Variants in PTPN3 observed in about 807,000 individuals in gnomAD.
PTPN3 encodes protein tyrosine phosphatase non-receptor type 3.
A neutral mutation model predicts 132.7 loss-of-function variants in PTPN3; 96 were observed. The observed-to-expected ratio is 0.72, with a 90% CI of 0.61 to 0.86. The LOEUF is 0.86. Among genes scored for constraint, PTPN3 ranks in the 40% least tolerant of loss-of-function variants. The pLI, the probability that PTPN3 is intolerant of heterozygous loss-of-function variation, is 0.00. For missense variants in PTPN3, 1,125 were observed against 1,159.6 expected (o/e 0.97, Z 0.43); for synonymous variants, 398 against 429.0 (o/e 0.93, Z 0.89).
chr9:109,509,798 TG>T, the PTPN3 span, among the ~76,000 whole-genome samples: 3 of 152,148 alleles, frequency 2.0e-5, no homozygotes, highest in East Asian at 5.8e-4. Context: ...GGTCAGTCTT[TG>T]TAGTTGATGT....
At chr9:109,422,912 G>A in intron 12 of PTPN3, 60 bp from the exon 13 acceptor site, 1 of 1,566,976 alleles carries the variant, frequency 6.4e-7, no homozygotes, top group Non-Finnish European at 8.8e-7. Context: ...AGAAATTACT[G>A]CATGTGTGAA....
chr9:109,496,502 A>T (rs1847674988), intron 1 of PTPN3, among the ~76,000 whole-genome samples: 1 of 152,260 alleles, frequency 6.6e-6, no homozygotes, highest in African/African-American at 2.4e-5. Context: ...TTGGCTGCTC[A>T]GAGCCTCCAT....
chr9:109,519,836 C>A, the PTPN3 span, among the ~76,000 whole-genome samples: 12 of 152,208 alleles, frequency 7.9e-5, no homozygotes, highest in African/African-American at 2.9e-4. Context: ...CCCAGTTTGA[C>A]AGATTAAGAT....
In PTPN3 at chr9:109,408,365, G is replaced by A; in HGVS notation, c.1591C>T (p.Gln531Ter). The change falls in exon 17 of 26, where the codon CAA becomes TAA. Residue 531 changes from glutamine to a stop codon, truncating the protein, a stop_gained. Coordinates refer to ENST00000374541, the MANE Select transcript of PTPN3 (RefSeq NM_002829.4). LOFTEE classifies it high-confidence loss of function. ...CTTGATACCACAAGAGGCATCTTTT[G>A]ATCCACTCCTCCCTGTAAACATTTT... ...FGFNLKGGVD[Q>*]KMPLVVSRIN... The A allele has an allele frequency of 6.3e-7, 1 of 1,588,502 alleles. No homozygotes were observed. The highest frequency in any genetic ancestry group is 8.6e-7 in the Non-Finnish European group (1 of 1,164,008).
At chr9:109,451,757 C>T (rs1845260122) in intron 5 of PTPN3, among the ~76,000 whole-genome samples, 1 of 152,218 alleles carries the variant, frequency 6.6e-6, no homozygotes, top group African/African-American at 2.4e-5. Context: ...AGACAAACTC[C>T]TAGGTTGCAC....
the PTPN3 span, among the ~76,000 whole-genome samples, chr9:109,513,032 A>G: frequency 6.6e-6 from 1 of 152,198 alleles, no homozygotes; most frequent in African/African-American, 2.4e-5. Context: ...TTATTGAAAC[A>G]GGGTCTCACT....
the PTPN3 span, among the ~76,000 whole-genome samples, chr9:109,518,817 CCA>C: frequency 6.6e-6 from 1 of 152,144 alleles, no homozygotes. Context: ...CTGCCCTGGG[CCA>C]CAGTTTCCTC....
chr9:109,498,528 C>T (rs1475597669), upstream of PTPN3, among the ~76,000 whole-genome samples: 1 of 152,128 alleles, frequency 6.6e-6, no homozygotes, highest in Non-Finnish European at 1.5e-5. The surrounding 1 kb of genome is among the most constrained non-coding windows in gnomAD (Gnocchi z 4.2). Flanking sequence ...GCCATTCGTT[C>T]CACAGCCATG....
intron 14 of PTPN3, among the ~76,000 whole-genome samples, chr9:109,416,922 GT>G (rs973264859): frequency 1.3e-5 from 2 of 152,168 alleles, no homozygotes; most frequent in Non-Finnish European, 2.9e-5. Flanking sequence ...CAACCAGAAA[GT>G]TTTTCTAATA....
At chr9:109,450,503 C>A in intron 5 of PTPN3, 1 of 984,940 alleles carries the variant, frequency 1.0e-6, no homozygotes. Context: ...TCACCACTCA[C>A]CAAATGCTGC....
the PTPN3 span, among the ~76,000 whole-genome samples, chr9:109,524,433 A>T: frequency 6.6e-6 from 1 of 152,140 alleles, no homozygotes; most frequent in Non-Finnish European, 1.5e-5. Flanking sequence ...CTGGCTCAAG[A>T]CTCACTACTC....
intron 1 of PTPN3, among the ~76,000 whole-genome samples, chr9:109,492,953 T>C (rs1847526448): frequency 6.6e-6 from 1 of 152,270 alleles, no homozygotes; most frequent in Admixed American, 6.5e-5. Flanking sequence ...ACATTCTCTT[T>C]GTTTTCCAAA....
intron 6 of PTPN3, among the ~76,000 whole-genome samples, chr9:109,448,481 T>C (rs140579107): frequency 1.0e-3 from 154 of 152,278 alleles, no homozygotes; most frequent in Non-Finnish European, 1.9e-3. Flanking sequence ...TGGACCCAAA[T>C]TAGGCCTGAT....
intron 1 of PTPN3, among the ~76,000 whole-genome samples, chr9:109,476,719 G>A (rs1846684513): frequency 6.6e-6 from 1 of 152,174 alleles, no homozygotes; most frequent in Non-Finnish European, 1.5e-5. Flanking sequence ...ACAAATTAAT[G>A]TTTTGTCTTA....
chr9:109,537,223 A>T, the PTPN3 span, among the ~76,000 whole-genome samples: 4 of 152,226 alleles, frequency 2.6e-5, no homozygotes, highest in Non-Finnish European at 4.4e-5. Context: ...AAGGATTTAC[A>T]TAGCAACTTA....
chr9:109,437,287 G>C (rs1426241115), intron 8 of PTPN3, among the ~76,000 whole-genome samples: 1 of 152,180 alleles, frequency 6.6e-6, no homozygotes, highest in Non-Finnish European at 1.5e-5. Flanking sequence ...AATTAGTAGG[G>C]AATCTTTAGG....
Position 109,463,081 on chromosome 9 carries a change from A to ATGAGGACTTCCCAGAAG in PTPN3, c.138+215_138+216insCTTCTGGGAAGTCCTCA, listed in dbSNP as rs556297189. Among the ~76,000 whole-genome samples, 21 of 151,282 alleles carry ATGAGGACTTCCCAGAAG rather than the reference A, an allele frequency of 1.4e-4. No homozygotes were observed. The South Asian group carries it at 4.0e-3, about 29-fold the overall frequency. Reference sequence around the variant, plus strand: ...CCAACATCTGAGCGTCAAACAGTTCACACCACACAGAAGGGCGGGGGGAAG... The same window carrying ATGAGGACTTCCCAGAAG: ...CCAACATCTGAGCGTCAAACAGTTCATGAGGACTTCCCAGAAGCACCACACAGAAGGGCGGGGGGAAG... On this transcript the variant is annotated intron_variant, in intron 2 of 25. Coordinates refer to ENST00000374541, the MANE Select transcript of PTPN3 (RefSeq NM_002829.4).
chr9:109,387,728 C>T (rs1216936826), intron 22 of PTPN3, among the ~76,000 whole-genome samples: 1 of 152,236 alleles, frequency 6.6e-6, no homozygotes, highest in Non-Finnish European at 1.5e-5. Flanking sequence ...AAGCCCCTGC[C>T]TCTGACCGCC....
chr9:109,380,025 T>A (rs1838910451), intron 25 of PTPN3, among the ~76,000 whole-genome samples: 1 of 152,128 alleles, frequency 6.6e-6, no homozygotes, highest in Non-Finnish European at 1.5e-5. Flanking sequence ...GCTGCACAGG[T>A]GGGCTGGGAC....
Sources: allele counts gnomAD v4.1 joint callset (sites outside exome capture counted in the v4.1 genomes callset), GRCh38; gene constraint gnomAD v4.1.1; non-coding constraint Gnocchi (gnomAD v3.1); transcripts MANE v1.5; gene names NCBI Gene and HGNC (gene_info 2026-07-23, HGNC 2026-07-21).